Variants in FMN2 observed in about 807,000 individuals in gnomAD.
FMN2 encodes the protein formin-2.
In FMN2, 51 loss-of-function variants were observed where a neutral mutation model predicts 142.3. The ratio of observed to expected loss-of-function variants is 0.36; its 90% CI spans 0.29 to 0.45. The LOEUF is 0.45. Among genes scored for constraint, FMN2 ranks in the 20% least tolerant of loss-of-function variants. The pLI is 1.00. For synonymous variants in FMN2, 882 were observed against 869.8 expected (o/e 1.01, Z -0.25); for missense variants, 1,936 against 2,122.8 (o/e 0.91, Z 1.73).
intron 2 of FMN2, chr1:240,145,321 C>CGCTGG: frequency 8.9e-7 from 1 of 1,129,430 alleles, no homozygotes; most frequent in South Asian, 1.6e-5. Context: ...TGAGGGCCGC[C>CGCTGG]GCTGGGGGCT....
chr1:240,173,395 A>G (rs1156774841), intron 2 of FMN2, among the ~76,000 whole-genome samples: 1 of 152,192 alleles, frequency 6.6e-6, no homozygotes, highest in Non-Finnish European at 1.5e-5. Flanking sequence ...TGGATAGTAC[A>G]CCATTAAGTG....
At chr1:240,321,393 T>C (rs889050737) in intron 8 of FMN2, among the ~76,000 whole-genome samples, 3 of 152,186 alleles carry the variant, frequency 2.0e-5, no homozygotes, top group South Asian at 4.1e-4. Flanking sequence ...TTAAATACTT[T>C]TTTCTGATAG....
At chr1:240,196,705 A>G (rs1399161888) in intron 4 of FMN2, among the ~76,000 whole-genome samples, 1 of 151,892 alleles carries the variant, frequency 6.6e-6, no homozygotes, top group East Asian at 1.9e-4. Context: ...TAGAGACAAT[A>G]TTTTGCTGTG....
intron 8 of FMN2, among the ~76,000 whole-genome samples, chr1:240,311,483 G>A (rs1230160580): frequency 1.3e-5 from 2 of 151,982 alleles, no homozygotes; most frequent in Non-Finnish European, 2.9e-5. Context: ...GTTGGTTCAT[G>A]GAATCCCTGC....
intron 15 of FMN2, among the ~76,000 whole-genome samples, chr1:240,396,790 C>G (rs1673795521): frequency 6.6e-6 from 1 of 152,204 alleles, no homozygotes; most frequent in Non-Finnish European, 1.5e-5. Flanking sequence ...TGATTTCATT[C>G]ATTTTATAGT....
At chr1:240,159,236 G>T (rs529083033) in intron 2 of FMN2, among the ~76,000 whole-genome samples, 50 of 151,906 alleles carry the variant, frequency 3.3e-4, no homozygotes, top group African/African-American at 1.1e-3. Flanking sequence ...CTTTATGTCT[G>T]TCTTTTCTCT....
chr1:240,279,758 TAAAG>T (rs1669336089), intron 7 of FMN2, among the ~76,000 whole-genome samples: 1 of 133,400 alleles, frequency 7.5e-6, no homozygotes, highest in Admixed American at 7.2e-5. Context: ...AAGGAAACAT[TAAAG>T]TAATTTTTAC....
At chr1:240,324,822 G>A (rs1671106327) in intron 8 of FMN2, among the ~76,000 whole-genome samples, 1 of 152,076 alleles carries the variant, frequency 6.6e-6, no homozygotes, top group Non-Finnish European at 1.5e-5. Context: ...CAAAACTGTA[G>A]CTGTACTACG....
Position 240,277,619 on chromosome 1 carries a change from G to A in FMN2, c.4154-17203G>A, listed in dbSNP as rs539155376. On this transcript the variant is annotated intron_variant, in intron 7 of 17. Transcript: ENST00000319653. Reference sequence around the variant, plus strand: ...ACAATCTTGGCTTGCTGCAACCTCTGCCTCCCAGGTTCAAGTGATTCTCTT... The same window carrying A: ...ACAATCTTGGCTTGCTGCAACCTCTACCTCCCAGGTTCAAGTGATTCTCTT... 4.4e-4 allele frequency among the ~76,000 whole-genome samples: 61 copies of A among 138,538 alleles called. 1 individual carries two copies. The highest frequency in any genetic ancestry group is 1.4e-3 in the African/African-American group (50 of 36,404). 90.9% of individuals were successfully genotyped at this position (138,538 alleles called of 152,430 possible).
intron 13 of FMN2, among the ~76,000 whole-genome samples, chr1:240,337,203 C>CTTTTCTTTT (rs1305027690): frequency 1.1e-5 from 1 of 90,574 alleles, no homozygotes; most frequent in African/African-American, 3.8e-5. Flanking sequence ...TATTCCTTTT[C>CTTTTCTTTT]TTTTTTTTTT....
intron 1 of FMN2, among the ~76,000 whole-genome samples, chr1:240,120,763 A>G (rs908587829): frequency 2.0e-5 from 3 of 152,244 alleles, no homozygotes; most frequent in Admixed American, 1.3e-4. Context: ...TCTGCTAATT[A>G]GAAGGAGGAG....
At chr1:240,140,587 C>T (rs1160734957) in intron 2 of FMN2, among the ~76,000 whole-genome samples, 61 of 147,552 alleles carry the variant, frequency 4.1e-4, no homozygotes, top group Non-Finnish European at 6.0e-5. Context: ...ACTTCTCTTT[C>T]TGTGCTTTGT....
chr1:240,209,319 C>G (rs1289605178), intron 5 of FMN2, among the ~76,000 whole-genome samples: 1 of 151,126 alleles, frequency 6.6e-6, no homozygotes, highest in Admixed American at 6.6e-5. Context: ...GGTGCAGCCT[C>G]GGCCCACTGC....
At chr1:240,154,107 CAAAAAAAAAAAA>C (rs3047182) in intron 2 of FMN2, among the ~76,000 whole-genome samples, 1 of 55,318 alleles carries the variant, frequency 1.8e-5, no homozygotes, top group Non-Finnish European at 3.4e-5. Flanking sequence ...GAGATTCCAT[CAAAAAAAAAAAA>C]AAAAAAAAAA....
At chr1:240,170,913 A>C (rs1664676429) in intron 2 of FMN2, 3 of 795,574 alleles carry the variant, frequency 3.8e-6, no homozygotes, top group African/African-American at 1.7e-5. Context: ...ATTTTAGTCA[A>C]CCCATCCAGG....
chr1:240,296,672 G>GTTT (rs11380505), intron 8 of FMN2, among the ~76,000 whole-genome samples: 1 of 144,088 alleles, frequency 6.9e-6, no homozygotes, highest in African/African-American at 2.5e-5. Flanking sequence ...CTTGAGTTTG[G>GTTT]TTTTTTTTTT....
chr1:240,233,450 G>A (rs992882966), intron 6 of FMN2, among the ~76,000 whole-genome samples: 1 of 151,246 alleles, frequency 6.6e-6, no homozygotes, highest in Non-Finnish European at 1.5e-5. Context: ...CTTTCTCAAA[G>A]CATGTAAAAC....
intron 15 of FMN2, among the ~76,000 whole-genome samples, chr1:240,415,294 C>G (rs1327610039): frequency 6.6e-6 from 1 of 152,026 alleles, no homozygotes; most frequent in African/African-American, 2.4e-5. Context: ...AACAGAAAAC[C>G]AAACACCACA....
chr1:240,196,509 G>T (rs1665915965), intron 4 of FMN2, among the ~76,000 whole-genome samples: 1 of 151,948 alleles, frequency 6.6e-6, no homozygotes, highest in Non-Finnish European at 1.5e-5. Flanking sequence ...TGTGTTTTTT[G>T]GTTTGTTTGT....
Sources: gnomAD v4.1 joint callset for allele counts (sites outside exome capture counted in the v4.1 genomes callset) on GRCh38, gnomAD v4.1.1 for gene constraint, MANE v1.5 for transcripts, NCBI Gene and HGNC (gene_info 2026-07-23, HGNC 2026-07-21) for gene names.